GULP1: variants seen among roughly 807,000 people sequenced by gnomAD.
GULP1 encodes the protein GULP PTB domain containing engulfment adaptor 1.
Under a neutral mutation model 40.9 loss-of-function variants are expected in GULP1, and 19 were observed. The ratio of observed to expected loss-of-function variants is 0.46; its 90% CI spans 0.32 to 0.68. The LOEUF (loss-of-function observed/expected upper bound fraction) is 0.68, where lower values mean the gene tolerates loss of function less well. Ranked by LOEUF, GULP1 falls within the 30% of genes least tolerant of loss-of-function variation. The pLI, the probability that GULP1 is intolerant of heterozygous loss-of-function variation, is 0.03. For synonymous variants in GULP1, 119 were observed against 117.6 expected, an observed-to-expected ratio of 1.01 and a Z score of -0.08; for missense variants, 312 against 362.2, an observed-to-expected ratio of 0.86 and a Z score of 1.12.
At chr2:188,354,533 G>A (rs75226703) in intron 1 of GULP1, among the ~76,000 whole-genome samples, 11,220 of 152,132 alleles carry the variant, frequency 0.074, 596 homozygotes, top group Non-Finnish European at 0.1. Flanking sequence ...GCCACAGTAG[G>A]TTCATGAGGA....
intron 7 of GULP1, among the ~76,000 whole-genome samples, chr2:188,563,516 AATTTAT>A (rs778603413): frequency 1.5e-4 from 22 of 149,490 alleles, no homozygotes; most frequent in African/African-American, 2.9e-4. Flanking sequence ...TTATAAATGT[AATTTAT>A]ATTTATATTT....
chr2:188,493,054 A>G (rs1452970079), intron 4 of GULP1, among the ~76,000 whole-genome samples: 1 of 152,130 alleles, frequency 6.6e-6, no homozygotes, highest in Non-Finnish European at 1.5e-5. Flanking sequence ...AATCTAAATT[A>G]CATATTGAAA....
intron 6 of GULP1, among the ~76,000 whole-genome samples, chr2:188,537,915 A>G (rs538347396): frequency 6.6e-6 from 1 of 152,038 alleles, no homozygotes; most frequent in East Asian, 1.9e-4. Context: ...CAATGTTGGG[A>G]GGTTCTGCGT....
intron 9 of GULP1, among the ~76,000 whole-genome samples, chr2:188,574,338 A>G (rs911399601): frequency 3.9e-5 from 6 of 152,160 alleles, no homozygotes; most frequent in African/African-American, 1.4e-4. Flanking sequence ...ATAAAATTTG[A>G]TTAGGCTGGG....
In GULP1 at chr2:188,292,110, A is replaced by G. The variant is rs1472570582; in HGVS notation, c.-228A>G. The G allele has an allele frequency of 6.6e-6, 1 of 152,102 alleles. No homozygotes were observed. The highest frequency in any genetic ancestry group is 1.5e-5 in the Non-Finnish European group (1 of 68,070). The allele number at this position is 152,102 out of a possible 1,614,324, so 9.4% of individuals were successfully genotyped here. A position where few individuals can be genotyped will look rare whatever the true frequency, so the allele number is the denominator to read the frequency against. ...AGTGGAGATCGCCAGGCTCGGAGGA[A>G]CCGGCAGCTCTCCACGCCCCTGCCC... On this transcript the variant is annotated 5_prime_UTR_variant, in exon 1 of 12. Coordinates refer to ENST00000409830, the MANE Select transcript of GULP1 (RefSeq NM_016315.4). The surrounding 1 kb of genome is among the most constrained non-coding windows in gnomAD (Gnocchi z 4.0).
intron 1 of GULP1, among the ~76,000 whole-genome samples, chr2:188,356,193 T>G (rs2045292005): frequency 6.6e-6 from 1 of 151,976 alleles, no homozygotes; most frequent in African/African-American, 2.4e-5. Flanking sequence ...GCTAAAGCAA[T>G]TAGGCAAGAG....
At chr2:188,413,435 C>G (rs1303884158) in intron 2 of GULP1, among the ~76,000 whole-genome samples, 2 of 152,148 alleles carry the variant, frequency 1.3e-5, no homozygotes, top group African/African-American at 4.8e-5. Flanking sequence ...TCTCTGCTGA[C>G]CAGTGATGAT....
At chr2:188,354,218 A>G (rs2044930054) in intron 1 of GULP1, among the ~76,000 whole-genome samples, 1 of 152,124 alleles carries the variant, frequency 6.6e-6, no homozygotes, top group Admixed American at 6.6e-5. Context: ...CTCAGAGTCC[A>G]GAGTCACCAC....
intron 7 of GULP1, 137 bp from the exon 8 acceptor site, chr2:188,569,102 C>T: frequency 1.7e-6 from 1 of 595,540 alleles, no homozygotes; most frequent in Non-Finnish European, 3.1e-6. Context: ...TAATACATCT[C>T]TACTCCCAAC....
intron 2 of GULP1, among the ~76,000 whole-genome samples, chr2:188,465,422 C>A (rs568513741): frequency 6.6e-6 from 1 of 151,986 alleles, no homozygotes; most frequent in East Asian, 2.0e-4. Context: ...CTCTGATCCT[C>A]AAGCAGAAGG....
intron 9 of GULP1, among the ~76,000 whole-genome samples, chr2:188,571,302 C>T (rs1212049752): frequency 6.6e-6 from 1 of 152,126 alleles, no homozygotes; most frequent in Non-Finnish European, 1.5e-5. Flanking sequence ...ATACTAGAAT[C>T]ATTCACAAGC....
intron 7 of GULP1, among the ~76,000 whole-genome samples, chr2:188,560,018 C>T (rs78158151): frequency 0.021 from 3,257 of 152,210 alleles, 122 homozygotes; most frequent in African/African-American, 0.074. Flanking sequence ...AACTGTAAGT[C>T]GTATTAAACC....
chr2:188,424,574 A>G (rs2055901531), intron 2 of GULP1, among the ~76,000 whole-genome samples: 1 of 152,120 alleles, frequency 6.6e-6, no homozygotes, highest in Middle Eastern at 3.4e-3. Context: ...TCACATTAAA[A>G]TAATTAGTAA....
intron 1 of GULP1, among the ~76,000 whole-genome samples, chr2:188,347,747 G>A (rs1427076148): frequency 2.0e-5 from 3 of 150,946 alleles, no homozygotes; most frequent in African/African-American, 4.9e-5. Flanking sequence ...TTGAATAATT[G>A]GGACTACAGG....
chr2:188,444,718 A>C (rs2058235163), intron 2 of GULP1, among the ~76,000 whole-genome samples: 1 of 152,218 alleles, frequency 6.6e-6, no homozygotes, highest in Non-Finnish European at 1.5e-5. Flanking sequence ...TGCCAAGTTC[A>C]GTACTTTGTA....
At chr2:188,440,497 A>G (rs1480618997) in intron 2 of GULP1, among the ~76,000 whole-genome samples, 3 of 152,176 alleles carry the variant, frequency 2.0e-5, no homozygotes, top group Non-Finnish European at 4.4e-5. Context: ...CCTGTCTTCA[A>G]TATACTGCTT....
chr2:188,548,257 A>C (rs1389417381), intron 7 of GULP1, among the ~76,000 whole-genome samples: 1 of 152,120 alleles, frequency 6.6e-6, no homozygotes, highest in Non-Finnish European at 1.5e-5. Context: ...TGGATTTAAT[A>C]AATGAGTTTA....
intron 4 of GULP1, among the ~76,000 whole-genome samples, chr2:188,495,114 A>T (rs1477282064): frequency 6.6e-6 from 1 of 152,054 alleles, no homozygotes; most frequent in East Asian, 1.9e-4. Context: ...GTAAGGCCAG[A>T]TCTTGTTCAT....
chr2:188,548,258 A>C (rs1369489193), intron 7 of GULP1, among the ~76,000 whole-genome samples: 2 of 152,124 alleles, frequency 1.3e-5, no homozygotes, highest in African/African-American at 4.8e-5. Flanking sequence ...GGATTTAATA[A>C]ATGAGTTTAG....
Sources: gnomAD v4.1 joint callset for allele counts (sites outside exome capture counted in the v4.1 genomes callset) on GRCh38, gnomAD v4.1.1 for gene constraint, Gnocchi (gnomAD v3.1) non-coding constraint, MANE v1.5 for transcripts, NCBI Gene and HGNC (gene_info 2026-07-23, HGNC 2026-07-21) for gene names.